PDE11A: variants seen among roughly 807,000 people sequenced by gnomAD.
The protein encoded by PDE11A is phosphodiesterase 11A.
In PDE11A, 100 loss-of-function variants were observed where a neutral mutation model predicts 100.5. The ratio of observed to expected loss-of-function variants is 1.00; its 90% confidence interval spans 0.85 to 1.18. The LOEUF (loss-of-function observed/expected upper bound fraction) is 1.18, where lower values mean the gene tolerates loss of function less well. PDE11A is among the 50% of genes most tolerant of loss of function. PDE11A has a pLI of 0.00. For synonymous variants in PDE11A, 381 were observed against 420.8 expected (o/e 0.91, Z 1.16); for missense variants, 1,141 against 1,152.6 (o/e 0.99, Z 0.15).
intron 2 of PDE11A, among the ~76,000 whole-genome samples, chr2:178,010,405 T>A (rs1234311483): frequency 1.3e-5 from 2 of 152,318 alleles, no homozygotes; most frequent in Non-Finnish European, 2.9e-5. Context: ...AGTTTTAAAA[T>A]GTGAAGTGAA....
At chr2:177,901,628 G>C (rs2084700041) in intron 3 of PDE11A, among the ~76,000 whole-genome samples, 1 of 152,152 alleles carries the variant, frequency 6.6e-6, no homozygotes, top group African/African-American at 2.4e-5. Context: ...ACTTTTAAGT[G>C]AATCTTGATA....
At chr2:177,874,016 C>A (rs914887001) in intron 5 of PDE11A, among the ~76,000 whole-genome samples, 1 of 152,076 alleles carries the variant, frequency 6.6e-6, no homozygotes. Context: ...AATTTAGTTT[C>A]TACTAAACTT....
chr2:177,828,141 G>C (rs1191328351), intron 6 of PDE11A, among the ~76,000 whole-genome samples: 1 of 151,972 alleles, frequency 6.6e-6, no homozygotes, highest in Non-Finnish European at 1.5e-5. Flanking sequence ...AAAATAATAT[G>C]AACACATGAA....
At chr2:178,075,214 T>C (rs1213799343), upstream of PDE11A, among the ~76,000 whole-genome samples, 1 of 151,812 alleles carries the variant, frequency 6.6e-6, no homozygotes, top group East Asian at 1.9e-4. Flanking sequence ...GAAAGAAGAT[T>C]GGATAGTGAC....
chr2:177,887,690 G>T (rs757266232), intron 4 of PDE11A, among the ~76,000 whole-genome samples: 10 of 152,110 alleles, frequency 6.6e-5, no homozygotes, highest in Non-Finnish European at 1.3e-4. Flanking sequence ...GGACGTCAAG[G>T]CTGCAGTGAG....
chr2:177,722,976 C>T (rs1244147220), intron 12 of PDE11A: 2 of 152,146 alleles, frequency 1.3e-5, no homozygotes, highest in Admixed American at 6.6e-5. Flanking sequence ...CTCTCTGTAA[C>T]TTCCAGTGTT....
At position 177,624,027 on chromosome 2, in the gene PDE11A, C is replaced by T. The variant is rs1340796161; in HGVS notation, c.*5380G>A. On this transcript the variant is annotated 3_prime_UTR_variant, in exon 20 of 20. Coordinates refer to ENST00000286063, the MANE Select transcript of PDE11A (RefSeq NM_016953.4). ...CTATATGTTTTATTCTATTATTCTT[C>T]ACTTAGGAAGCTGGTGCAATTTTGG... 3 of 152,202 alleles carry T rather than the reference C, an allele frequency of 2.0e-5. No individual in the cohort carries two copies. Among genetic ancestry groups the T allele is most frequent in the Non-Finnish European group, 4.4e-5 (3 of 68,032 alleles). The allele number at this position is 152,202 out of a possible 1,614,324, so 9.4% of individuals were successfully genotyped here. A position where few individuals can be genotyped will look rare whatever the true frequency, so the allele number is the denominator to read the frequency against.
intron 5 of PDE11A, among the ~76,000 whole-genome samples, chr2:177,854,466 T>C (rs2083793921): frequency 6.6e-6 from 1 of 152,018 alleles, no homozygotes. Flanking sequence ...GCTCTTATAA[T>C]TAATATCATG....
intron 2 of PDE11A, among the ~76,000 whole-genome samples, chr2:177,947,103 C>T (rs1574300508): frequency 5.2e-5 from 1 of 19,094 alleles, no homozygotes; most frequent in African/African-American, 1.1e-4. Flanking sequence ...GTGAGGAGCC[C>T]CTCTGCCCGG....
chr2:177,684,566 C>A (rs1574041793), intron 15 of PDE11A, among the ~76,000 whole-genome samples: 1 of 152,162 alleles, frequency 6.6e-6, no homozygotes, highest in Non-Finnish European at 1.5e-5. Flanking sequence ...GTGTTCCTGG[C>A]AGACTTAATG....
intron 2 of PDE11A, among the ~76,000 whole-genome samples, chr2:178,094,363 T>A (rs1019039976): frequency 2.0e-5 from 3 of 151,348 alleles, no homozygotes; most frequent in Non-Finnish European, 2.9e-5. Context: ...ACCCCATCTC[T>A]ACAAAAAATA....
chr2:178,031,187 C>A (rs2086542973), intron 1 of PDE11A, among the ~76,000 whole-genome samples: 1 of 152,122 alleles, frequency 6.6e-6, no homozygotes, highest in Non-Finnish European at 1.5e-5. Flanking sequence ...AGGGAACTTT[C>A]TTAACCCAAT....
intron 9 of PDE11A, among the ~76,000 whole-genome samples, chr2:177,780,274 G>A (rs1359576279): frequency 6.6e-6 from 1 of 151,992 alleles, no homozygotes; most frequent in African/African-American, 2.4e-5. Flanking sequence ...TTTTTAGACA[G>A]GGAATCTCAC....
chr2:177,770,345 C>T (rs1574124181), intron 9 of PDE11A, among the ~76,000 whole-genome samples: 1 of 152,236 alleles, frequency 6.6e-6, no homozygotes, highest in East Asian at 1.9e-4. Flanking sequence ...AGTAGAACTG[C>T]AGCCAACCTG....
At chr2:177,845,453 C>T (rs1433639306) in intron 5 of PDE11A, among the ~76,000 whole-genome samples, 1 of 151,596 alleles carries the variant, frequency 6.6e-6, no homozygotes, top group African/African-American at 2.4e-5. Context: ...CAGAGACGCT[C>T]CTCACTTCCT....
chr2:178,081,710 A>T (rs986653150), intron 2 of PDE11A, among the ~76,000 whole-genome samples: 1 of 152,178 alleles, frequency 6.6e-6, no homozygotes, highest in Non-Finnish European at 1.5e-5. Context: ...TAGTGACTTC[A>T]TTGTATTACT....
At chr2:177,875,284 A>C (rs900104218) in intron 5 of PDE11A, among the ~76,000 whole-genome samples, 12 of 152,184 alleles carry the variant, frequency 7.9e-5, no homozygotes, top group Non-Finnish European at 1.8e-4. Flanking sequence ...AGGAAGCTAA[A>C]GGCAACATTT....
chr2:177,916,304 C>G (rs1433916386), intron 2 of PDE11A, among the ~76,000 whole-genome samples: 1 of 152,212 alleles, frequency 6.6e-6, no homozygotes, highest in Non-Finnish European at 1.5e-5. Context: ...ACAACAAATT[C>G]AGTACTGCCA....
At chr2:177,709,311 G>A (rs1048380010) in intron 13 of PDE11A, among the ~76,000 whole-genome samples, 1 of 152,200 alleles carries the variant, frequency 6.6e-6, no homozygotes, top group Non-Finnish European at 1.5e-5. Context: ...GAGGAGAGTC[G>A]TGCTGTTCGT....
Sources: allele counts gnomAD v4.1 joint callset (sites outside exome capture counted in the v4.1 genomes callset), GRCh38; gene constraint gnomAD v4.1.1; transcripts MANE v1.5; gene names NCBI Gene and HGNC (gene_info 2026-07-23, HGNC 2026-07-21).